FRMD4A: variants seen among roughly 807,000 people sequenced by gnomAD.
FRMD4A encodes FERM domain-containing protein 4A.
A neutral mutation model predicts 129.1 loss-of-function variants in FRMD4A; 29 were observed. The observed-to-expected ratio is 0.22, with a 90% CI of 0.17 to 0.31. The LOEUF (loss-of-function observed/expected upper bound fraction) is 0.31, where lower values mean the gene tolerates loss of function less well. Ranked by LOEUF, FRMD4A falls within the 10% of genes least tolerant of loss-of-function variation. The probability of loss-of-function intolerance (pLI) is 1.00; values close to 1 mark genes in which losing one functional copy is unlikely to be tolerated. For missense variants in FRMD4A, 1,272 were observed against 1,375.8 expected (o/e 0.92, Z 1.19); for synonymous variants, 634 against 571.6 (o/e 1.11, Z -1.56).
In FRMD4A at chr10:13,657,114, C is replaced by T; in HGVS notation, c.2475G>A (p.Gln825=). The T allele has an allele frequency of 1.3e-6, 2 of 1,557,990 alleles. No homozygotes were observed. The highest frequency in any genetic ancestry group is 1.7e-6 in the Non-Finnish European group (2 of 1,158,532). The part of the protein sequence containing the change: ...GAGGGVYLHS[Q]SQPSSQYRIK... ...TGCGGTACTGCGAGCTGGGCTGGCT[C>T]TGGCTGTGCAGGTACACACCGCCCC... Residue 825 remains glutamine (Q), a synonymous_variant, in exon 22 of 25, where the codon CAG becomes CAA. Transcript: ENST00000357447.
chr10:14,052,125 C>T (rs1378185740), intron 2 of FRMD4A, among the ~76,000 whole-genome samples: 2 of 152,102 alleles, frequency 1.3e-5, no homozygotes, highest in Non-Finnish European at 2.9e-5. Context: ...CCAATGGATG[C>T]CAAGTATGCC....
chr10:14,107,156 T>C (rs1837629125), intron 2 of FRMD4A, among the ~76,000 whole-genome samples: 1 of 152,038 alleles, frequency 6.6e-6, no homozygotes, highest in Non-Finnish European at 1.5e-5. Flanking sequence ...CACTGGGTAC[T>C]CATGGACATA....
chr10:14,137,412 A>T (rs11258888), intron 2 of FRMD4A, among the ~76,000 whole-genome samples: 2 of 151,868 alleles, frequency 1.3e-5, no homozygotes, highest in African/African-American at 2.4e-5. Flanking sequence ...TTTGACTGAA[A>T]GAAAGCTTTG....
chr10:14,141,174 C>CT (rs749704677), intron 2 of FRMD4A, among the ~76,000 whole-genome samples: 3 of 152,102 alleles, frequency 2.0e-5, no homozygotes, highest in Non-Finnish European at 2.9e-5. Context: ...TACCTGTAGC[C>CT]TTGGAAATGG....
rs114948069 is a variant in FRMD4A, at chr10:13,662,443, T to C, written c.1660+1010A>G. On this transcript the variant is annotated intron_variant, in intron 19 of 24. Coordinates refer to ENST00000357447, the MANE Select transcript of FRMD4A (RefSeq NM_018027.5). Reference sequence around the variant, plus strand: ...TATCACTGCCTGCCTGAGGTTTCCATACAGGGCAAAAAAATTAACTGCCAC... The same window carrying C: ...TATCACTGCCTGCCTGAGGTTTCCACACAGGGCAAAAAAATTAACTGCCAC... Among the ~76,000 whole-genome samples the C allele has an allele frequency of 9.3e-3, 1,410 of 152,234 alleles. 20 individuals carry two copies. The highest frequency in any genetic ancestry group is 0.032 in the African/African-American group (1,330 of 41,524).
chr10:13,984,326 T>A (rs557940189), intron 2 of FRMD4A, among the ~76,000 whole-genome samples: 4 of 152,336 alleles, frequency 2.6e-5, no homozygotes, highest in African/African-American at 9.6e-5. Flanking sequence ...AGCACCTACC[T>A]GTGGGCATCC....
intron 3 of FRMD4A, among the ~76,000 whole-genome samples, chr10:13,822,497 G>A (rs1015617611): frequency 2.6e-5 from 4 of 152,198 alleles, no homozygotes; most frequent in African/African-American, 9.7e-5. Context: ...ACACACAGTA[G>A]GTGCCTAATG....
chr10:14,074,244 TG>T (rs1835455343), intron 2 of FRMD4A: 1 of 151,936 alleles, frequency 6.6e-6, no homozygotes, highest in Non-Finnish European at 1.5e-5. Context: ...AATGAAGCAG[TG>T]GATGGGGGAG....
At chr10:13,648,423 G>C (rs1451045748) in intron 24 of FRMD4A, among the ~76,000 whole-genome samples, 5 of 152,140 alleles carry the variant, frequency 3.3e-5, no homozygotes, top group Admixed American at 3.3e-4. Flanking sequence ...TTTTCTTAGG[G>C]GGACAGTCTC....
At chr10:13,752,302 G>T (rs1311066864) in intron 8 of FRMD4A, among the ~76,000 whole-genome samples, 1 of 152,140 alleles carries the variant, frequency 6.6e-6, no homozygotes, top group Non-Finnish European at 1.5e-5. Flanking sequence ...GAAAAACAAA[G>T]ATTTCTAGCA....
chr10:14,212,184 A>T (rs968760947), intron 2 of FRMD4A, among the ~76,000 whole-genome samples: 1 of 151,872 alleles, frequency 6.6e-6, no homozygotes, highest in Non-Finnish European at 1.5e-5. Context: ...TGGGATCCCC[A>T]CTAACAAGGG....
intron 14 of FRMD4A, among the ~76,000 whole-genome samples, chr10:13,695,068 AG>A (rs1377781131): frequency 1.3e-5 from 2 of 152,204 alleles, no homozygotes; most frequent in South Asian, 2.1e-4. Flanking sequence ...TTTGGTTAAA[AG>A]TCACAGCAGG....
chr10:13,924,615 T>C (rs1325550213), intron 2 of FRMD4A, among the ~76,000 whole-genome samples: 2 of 152,190 alleles, frequency 1.3e-5, no homozygotes, highest in Admixed American at 6.5e-5. Flanking sequence ...GACTATTTTA[T>C]TTTTCTTCAT....
chr10:14,144,118 T>C (rs918473741), intron 2 of FRMD4A, among the ~76,000 whole-genome samples: 1 of 152,174 alleles, frequency 6.6e-6, no homozygotes, highest in African/African-American at 2.4e-5. Flanking sequence ...GTCTACACGC[T>C]CCTGAGGATG....
At chr10:13,750,149 A>G (rs79118014) in intron 8 of FRMD4A, among the ~76,000 whole-genome samples, 1,612 of 148,622 alleles carry the variant, frequency 0.011, 78 homozygotes, top group South Asian at 0.1. Context: ...AGAAAGAAAG[A>G]AAAGAGAGAA....
chr10:13,995,038 C>A (rs1041230277), intron 2 of FRMD4A, among the ~76,000 whole-genome samples: 2 of 152,120 alleles, frequency 1.3e-5, no homozygotes, highest in African/African-American at 4.8e-5. Context: ...AGATAGAAAC[C>A]AACTCTCAAA....
At chr10:14,328,818 C>T (rs900252746) in intron 2 of FRMD4A, among the ~76,000 whole-genome samples, 7 of 151,934 alleles carry the variant, frequency 4.6e-5, no homozygotes, top group Non-Finnish European at 7.4e-5. Context: ...CACAGGTAGA[C>T]GATGGAGGAT....
intron 4 of FRMD4A, among the ~76,000 whole-genome samples, chr10:13,805,426 C>CT (rs5783352): frequency 0.35 from 52,613 of 149,434 alleles, 10,054 homozygotes; most frequent in Non-Finnish European, 0.44. Flanking sequence ...TTTTAAAAGG[C>CT]TTTTTTTTTC....
intron 2 of FRMD4A, among the ~76,000 whole-genome samples, chr10:14,185,295 GA>G (rs140482035): frequency 0.025 from 3,761 of 152,276 alleles, 71 homozygotes; most frequent in Non-Finnish European, 0.036. Flanking sequence ...GATCCCAGCA[GA>G]AGGATGTAGA....
Sources: gnomAD v4.1 joint callset for allele counts (sites outside exome capture counted in the v4.1 genomes callset) on GRCh38, gnomAD v4.1.1 for gene constraint, MANE v1.5 for transcripts, NCBI Gene and HGNC (gene_info 2026-07-23, HGNC 2026-07-21) for gene names.